XPO4: variants seen among roughly 807,000 people sequenced by gnomAD.
XPO4 encodes the protein exportin 4, also known as exportin-4.
XPO4 carries 39 observed loss-of-function variants against 143.0 expected under a neutral mutation model. The ratio of observed to expected loss-of-function variants is 0.27; its 90% CI spans 0.21 to 0.36. The LOEUF is 0.36. Ranked by LOEUF, XPO4 falls within the 10% of genes least tolerant of loss-of-function variation. The pLI, the probability that XPO4 is intolerant of heterozygous loss-of-function variation, is 1.00. For synonymous variants in XPO4, 439 were observed against 474.0 expected, an observed-to-expected ratio of 0.93 and a Z score of 0.96; for missense variants, 907 against 1,348.0, an observed-to-expected ratio of 0.67 and a Z score of 5.12.
intron 2 of XPO4, 59 bp downstream of exon 2, chr13:20,868,537 A>G: frequency 1.3e-6 from 2 of 1,561,382 alleles, no homozygotes; most frequent in Non-Finnish European, 1.7e-6. Context: ...AATGTTTAAG[A>G]CAGCAAACCC....
At chr13:20,850,053 C>CT in intron 4 of XPO4, 1 of 913,600 alleles carries the variant, frequency 1.1e-6, no homozygotes, top group Non-Finnish European at 1.3e-6. Flanking sequence ...TTGTAGTGAG[C>CT]TGAGTTCATG....
rs751674115 is a variant in XPO4 at position 20,777,902 on chromosome 13, A to G, written c.*5820T>C. On this transcript the variant is annotated 3_prime_UTR_variant, in exon 23 of 23. Transcript: ENST00000255305. ...GGGGTGCTGTATGGAATTTCCCAGCAAAAGATTCTTTCATTAGTTTCACCA... is the reference window on the plus strand; with the variant it reads ...GGGGTGCTGTATGGAATTTCCCAGCGAAAGATTCTTTCATTAGTTTCACCA... 5.3e-5 allele frequency: 8 copies of G among 152,220 alleles called. No individual in the cohort carries two copies. The highest frequency in any genetic ancestry group is 1.2e-4 in the Non-Finnish European group (8 of 68,030). 9.4% of individuals were successfully genotyped at this position (152,220 alleles called of 1,614,324 possible).
intron 6 of XPO4, among the ~76,000 whole-genome samples, chr13:20,827,582 C>G (rs762910343): frequency 6.6e-6 from 1 of 152,016 alleles, no homozygotes; most frequent in African/African-American, 2.4e-5. Context: ...ACCACATATA[C>G]AAAATGTGAG....
chr13:20,879,441 C>G (rs1185638195), intron 1 of XPO4: 2 of 523,964 alleles, frequency 3.8e-6, no homozygotes, highest in Admixed American at 1.3e-4. Flanking sequence ...CCCATCACAA[C>G]AGGACCCATG....
chr13:20,819,796 G>C (rs1160395025), intron 9 of XPO4, among the ~76,000 whole-genome samples: 1 of 152,196 alleles, frequency 6.6e-6, no homozygotes, highest in Non-Finnish European at 1.5e-5. Context: ...AATTTGGTTT[G>C]GCTGGATTTG....
In XPO4 at chr13:20,859,733, C is replaced by T. The variant is rs531913191; in HGVS notation, c.317+2984G>A. ...CGGATGTTGCAGTGAGCAGAGATCA[C>T]GCCACTGCACTCCAGCCTAGCAACA... On this transcript the variant is annotated intron_variant, in intron 3 of 22. Transcript: ENST00000255305. 3.9e-4 allele frequency: 162 copies of T among 411,640 alleles called. 2 individuals carry two copies. In the South Asian group the frequency reaches 0.014, roughly 35 times the overall value. 25.5% of individuals were successfully genotyped at this position (411,640 alleles called of 1,614,324 possible).
intron 3 of XPO4, chr13:20,857,675 T>A (rs368664504): frequency 4.0e-6 from 1 of 249,216 alleles, no homozygotes; most frequent in Non-Finnish European, 6.4e-6. Context: ...TGCAGTGAGC[T>A]GAGACTGCGC....
intron 9 of XPO4, among the ~76,000 whole-genome samples, chr13:20,818,593 A>G (rs191238547): frequency 1.1e-3 from 175 of 152,340 alleles, no homozygotes; most frequent in African/African-American, 4.0e-3. Flanking sequence ...AGAAGCTTTC[A>G]ATATTTCACA....
intron 4 of XPO4, chr13:20,852,464 C>T (rs1372893097): frequency 1.0e-6 from 1 of 985,348 alleles, no homozygotes; most frequent in East Asian, 1.1e-4. Context: ...ATGCACATGG[C>T]CATTAGTTTG....
intron 4 of XPO4, among the ~76,000 whole-genome samples, chr13:20,850,530 G>A (rs1404458494): frequency 1.3e-5 from 2 of 152,120 alleles, no homozygotes; most frequent in African/African-American, 4.8e-5. Context: ...CTATAAGGCT[G>A]AAACAGGAGG....
rs957616569 is a variant in XPO4, at chr13:20,780,154, C to T, written c.*3568G>A. The T allele has an allele frequency of 2.0e-5, 3 of 152,132 alleles. No homozygotes were observed. Among genetic ancestry groups the T allele is most frequent in the Non-Finnish European group, 4.4e-5 (3 of 68,024 alleles). The allele number at this position is 152,132 out of a possible 1,614,324, so 9.4% of individuals were successfully genotyped here. A position where few individuals can be genotyped will look rare whatever the true frequency, so the allele number is the denominator to read the frequency against. ...AACACAAACAAACCTTAAGAAGTAC[C>T]GAGGTTCCTTCTGACTTAAAAGGTT... On this transcript the variant is annotated 3_prime_UTR_variant, in exon 23 of 23. Coordinates refer to ENST00000255305, the MANE Select transcript of XPO4 (RefSeq NM_022459.5).
intron 1 of XPO4, chr13:20,869,350 GTTCTT>G: frequency 1.8e-5 from 4 of 219,478 alleles, no homozygotes; most frequent in Non-Finnish European, 3.1e-5. Flanking sequence ...GTTAACAATC[GTTCTT>G]CTAAAGATAA....
intron 1 of XPO4, among the ~76,000 whole-genome samples, chr13:20,889,849 G>A (rs1036080354): frequency 2.1e-5 from 3 of 144,106 alleles, no homozygotes; most frequent in African/African-American, 4.9e-5. Flanking sequence ...AAAGGTAGGT[G>A]TATATATAAA....
At chr13:20,880,202 G>C (rs1295554077) in intron 1 of XPO4, among the ~76,000 whole-genome samples, 1 of 152,188 alleles carries the variant, frequency 6.6e-6, no homozygotes, top group Non-Finnish European at 1.5e-5. Flanking sequence ...GGGAGGCAAA[G>C]GCAGGTGGAT....
At position 20,889,689 on chromosome 13, in the gene XPO4, T is replaced by C. The variant is rs150410846; in HGVS notation, c.69+12981A>G. ...AATATGGTAATCTCATTGACAGTCA[T>C]TACACGAGAATTACATCATTACCCA... On this transcript the variant is annotated intron_variant, in intron 1 of 22. Transcript: ENST00000255305. Among the ~76,000 whole-genome samples the C allele has an allele frequency of 3.0e-3, 460 of 152,304 alleles. 1 individual carries two copies. Among genetic ancestry groups the C allele is most frequent in the Non-Finnish European group, 5.6e-3 (379 of 68,024 alleles).
chr13:20,884,516 C>T (rs558460960), intron 1 of XPO4, among the ~76,000 whole-genome samples: 1 of 152,084 alleles, frequency 6.6e-6, no homozygotes, highest in South Asian at 2.1e-4. Flanking sequence ...CTCAAGCAGT[C>T]CTTCCACCTC....
At chr13:20,850,146 T>G (rs182406179) in intron 4 of XPO4, 1 of 985,002 alleles carries the variant, frequency 1.0e-6, no homozygotes, top group Admixed American at 6.2e-5. Context: ...ACTCATAGCA[T>G]AAACATTTTC....
intron 13 of XPO4, among the ~76,000 whole-genome samples, chr13:20,807,060 C>T (rs1482992009): frequency 1.3e-5 from 2 of 151,950 alleles, no homozygotes; most frequent in Non-Finnish European, 2.9e-5. Context: ...ATGAGAAAGC[C>T]ACCGAAACGT....
Position 20,902,708 on chromosome 13 carries a change from C to A in XPO4, c.31G>T (p.Val11Leu). The change falls in exon 1 of 23, where the codon GTG (valine) becomes TTG (leucine). Residue 11 changes from valine to leucine, a missense_variant. By Grantham distance (32) the Val-to-Leu change is conservative. Coordinates refer to ENST00000255305, the MANE Select transcript of XPO4 (RefSeq NM_022459.5). MMAAALGPPEVIAQLENAAKV... is the reference protein window; with the variant it reads MMAAALGPPELIAQLENAAKV... ...GCCGCGTTCTCCAGCTGAGCGATCACTTCTGGGGGCCCCAGCGCCGCCGCC... is the reference window on the plus strand; with the variant it reads ...GCCGCGTTCTCCAGCTGAGCGATCAATTCTGGGGGCCCCAGCGCCGCCGCC... 1 of 1,568,530 alleles carries A rather than the reference C, an allele frequency of 6.4e-7. No individual in the cohort carries two copies. The highest frequency in any genetic ancestry group is 1.2e-5 in the South Asian group (1 of 86,582).
Sources: gnomAD v4.1 joint callset for allele counts (sites outside exome capture counted in the v4.1 genomes callset) on GRCh38, gnomAD v4.1.1 for gene constraint, MANE v1.5 for transcripts, NCBI Gene and HGNC (gene_info 2026-07-23, HGNC 2026-07-21) for gene names.